Variants in CORIN observed in about 807,000 individuals in gnomAD.
CORIN encodes corin, serine peptidase, also known as atrial natriuretic peptide-converting enzyme.
In CORIN, 117 loss-of-function variants were observed where a neutral mutation model predicts 125.3. That is an observed-to-expected ratio of 0.93 (90% CI 0.80 to 1.09). CORIN has a LOEUF of 1.09. CORIN is among the 50% of genes least tolerant of loss of function. The pLI is 0.00. For missense variants in CORIN, 1,253 were observed against 1,306.7 expected (o/e 0.96, Z 0.63); for synonymous variants, 450 against 466.4 (o/e 0.96, Z 0.45).
chr4:47,656,195 GC>G (rs1362299975), intron 12 of CORIN, among the ~76,000 whole-genome samples: 1 of 137,042 alleles, frequency 7.3e-6, no homozygotes, highest in Non-Finnish European at 1.5e-5. Context: ...CTCCCTTGTC[GC>G]CCAGGCTGGA....
chr4:47,680,378 C>T (rs1725218361), intron 7 of CORIN, 127 bp from the exon 8 acceptor site: 1 of 655,332 alleles, frequency 1.5e-6, no homozygotes, highest in Admixed American at 2.4e-5. Flanking sequence ...AACATTTCTA[C>T]AATAGGTCTG....
In CORIN at chr4:47,689,713, A is replaced by G. The variant is rs1052033637; in HGVS notation, c.913+3257T>C. Among the ~76,000 whole-genome samples the G allele has an allele frequency of 7.2e-5, 11 of 152,282 alleles. No homozygotes were observed. In the South Asian group the frequency reaches 2.3e-3, roughly 32 times the overall value. On this transcript the variant is annotated intron_variant, in intron 6 of 21. Coordinates refer to ENST00000273857, the MANE Select transcript of CORIN (RefSeq NM_006587.4). ...GAGCCAGTTATAGACTCAAAAGATT[A>G]TAGAATCTTAACAACAAAAGAGACA...
rs1725201769 is a variant in CORIN, at chr4:47,680,140, C to T, written c.1132+1G>A. The T allele has an allele frequency of 5.0e-6, 8 of 1,602,154 alleles. No homozygotes were observed. The highest frequency in any genetic ancestry group is 6.0e-6 in the Non-Finnish European group (7 of 1,169,106). Reference sequence around the variant, plus strand: ...AAAACAAACGTCCTCAGAGCACTCACAGCAGTTGACCTCGTCAGACTTATC... The same window carrying T: ...AAAACAAACGTCCTCAGAGCACTCATAGCAGTTGACCTCGTCAGACTTATC... On this transcript the variant is annotated splice_donor_variant, in intron 8 of 21. Coordinates refer to ENST00000273857, the MANE Select transcript of CORIN (RefSeq NM_006587.4). LOFTEE classifies it high-confidence loss of function.
chr4:47,770,171 A>G (rs1729957255), intron 3 of CORIN, among the ~76,000 whole-genome samples: 1 of 152,168 alleles, frequency 6.6e-6, no homozygotes, highest in South Asian at 2.1e-4. Context: ...GGAAACAATA[A>G]CTAAATTTAA....
intron 5 of CORIN, among the ~76,000 whole-genome samples, chr4:47,701,682 G>C (rs1281056633): frequency 1.3e-5 from 2 of 151,706 alleles, no homozygotes; most frequent in Non-Finnish European, 2.9e-5. Context: ...AATTTAAAAA[G>C]TAGAAAGTTT....
intron 11 of CORIN, among the ~76,000 whole-genome samples, chr4:47,663,627 T>A (rs1227680716): frequency 1.3e-5 from 2 of 152,144 alleles, no homozygotes. Flanking sequence ...GGATATAAAT[T>A]CACATTTATA....
rs1002000871 is a variant in CORIN, at chr4:47,603,800, T to C, written c.2541-132A>G. 10 of 982,040 alleles carry C rather than the reference T, an allele frequency of 1.0e-5. No homozygotes were observed. In the Middle Eastern group the frequency reaches 7.5e-4, roughly 73 times the overall value. 60.8% of individuals were successfully genotyped at this position (982,040 alleles called of 1,614,324 possible). On this transcript the variant is annotated intron_variant, in intron 19 of 21. Coordinates refer to ENST00000273857, the MANE Select transcript of CORIN (RefSeq NM_006587.4). ...ATGCCCACCTCTCAATGTATTCATA[T>C]AAGTGGCATTTATATAATAGCCTGA... is the stretch of plus-strand genomic sequence containing the variant.
intron 7 of CORIN, chr4:47,680,531 T>C (rs1725229292): frequency 3.3e-6 from 1 of 304,848 alleles, no homozygotes; most frequent in East Asian, 7.6e-5. Context: ...TGTTGGCTTT[T>C]GTTTTCTTTA....
At chr4:47,670,412 C>A (rs1186375765) in intron 10 of CORIN, among the ~76,000 whole-genome samples, 1 of 152,210 alleles carries the variant, frequency 6.6e-6, no homozygotes, top group East Asian at 1.9e-4. Flanking sequence ...AGTCTGTAAC[C>A]ATTATAGTGA....
chr4:47,632,757 A>AGAT (rs199867243), intron 16 of CORIN, among the ~76,000 whole-genome samples: 3 of 136,910 alleles, frequency 2.2e-5, no homozygotes, highest in Admixed American at 7.9e-5. Flanking sequence ...ATAGATAGAT[A>AGAT]GATAGATAGA....
Position 47,623,630 on chromosome 4 carries a change from G to C in CORIN, c.2481C>G (p.Ile827Met). The change falls in exon 19 of 22, where the codon ATC becomes ATG. Residue 827 changes from isoleucine to methionine, a missense_variant. Coordinates refer to ENST00000273857, the MANE Select transcript of CORIN (RefSeq NM_006587.4). ...CSLQSEPSGH[I>M]CGCVLIAKKW... ...TCTTGGCAATGAGGACACAGCCACA[G>C]ATATGTCCACTGGGTTCACTCTGCA... is the stretch of plus-strand genomic sequence containing the variant. The C allele has an allele frequency of 6.2e-7, 1 of 1,614,204 alleles. No homozygotes were observed. Among genetic ancestry groups the C allele is most frequent in the East Asian group, 2.2e-5 (1 of 44,886 alleles).
Position 47,784,978 on chromosome 4 carries a change from C to A in CORIN, c.409+1747G>T, listed in dbSNP as rs1730720146. 2.0e-5 allele frequency among the ~76,000 whole-genome samples: 3 copies of A among 152,164 alleles called. No homozygotes were observed. In the South Asian group the frequency reaches 6.2e-4, roughly 32 times the overall value. On this transcript the variant is annotated intron_variant, in intron 3 of 21. Coordinates refer to ENST00000273857, the MANE Select transcript of CORIN (RefSeq NM_006587.4). ...CTGCTTTTCCTCAAACACTGGCAAA[C>A]ATATACTATGATAGCTAAAAGTCAA...
intron 5 of CORIN, among the ~76,000 whole-genome samples, chr4:47,693,309 G>C (rs916579439): frequency 6.6e-6 from 1 of 152,178 alleles, no homozygotes; most frequent in Admixed American, 6.5e-5. Flanking sequence ...GAAAGCAGGA[G>C]ATAGTTCACC....
intron 4 of CORIN, among the ~76,000 whole-genome samples, chr4:47,756,779 T>C (rs1189293347): frequency 6.6e-6 from 1 of 152,208 alleles, no homozygotes; most frequent in Non-Finnish European, 1.5e-5. Context: ...TTCAGGAGCA[T>C]GGAATATCTC....
chr4:47,759,605 T>C (rs1227081073), intron 4 of CORIN, among the ~76,000 whole-genome samples: 4 of 152,138 alleles, frequency 2.6e-5, no homozygotes, highest in African/African-American at 9.7e-5. Flanking sequence ...AACAGGTATA[T>C]GAAAAAATGT....
intron 16 of CORIN, among the ~76,000 whole-genome samples, chr4:47,638,334 G>C (rs1213010513): frequency 3.9e-5 from 6 of 152,174 alleles, no homozygotes; most frequent in Non-Finnish European, 8.8e-5. Flanking sequence ...GGGACTACTG[G>C]GAAGGAATGA....
chr4:47,635,240 T>C (rs1400867728), intron 16 of CORIN, among the ~76,000 whole-genome samples: 1 of 152,126 alleles, frequency 6.6e-6, no homozygotes, highest in African/African-American at 2.4e-5. Flanking sequence ...AGACAACAGA[T>C]TGGTGTTGTA....
In CORIN at chr4:47,696,972, G is replaced by A. The variant is rs1019843240; in HGVS notation, c.800-3889C>T. Among the ~76,000 whole-genome samples, 20 of 152,292 alleles carry A rather than the reference G, an allele frequency of 1.3e-4. No individual in the cohort carries two copies. The Middle Eastern group carries it at 0.014, about 104-fold the overall frequency. On this transcript the variant is annotated intron_variant, in intron 5 of 21. Transcript: ENST00000273857. ...CTTGCCCTGTCTTTGAGTCCTTGCT[G>A]AAAGTCAAAAGCTCAGTTTCAACTC...
intron 19 of CORIN, among the ~76,000 whole-genome samples, chr4:47,617,785 T>A (rs190049193): frequency 1.6e-3 from 238 of 152,304 alleles, no homozygotes; most frequent in African/African-American, 5.5e-3. Context: ...GGACACAGCA[T>A]GAGCTCAGTA....
Sources: allele counts gnomAD v4.1 joint callset (sites outside exome capture counted in the v4.1 genomes callset), GRCh38; gene constraint gnomAD v4.1.1; transcripts MANE v1.5; gene names NCBI Gene and HGNC (gene_info 2026-07-23, HGNC 2026-07-21).